Variants in MANBA observed in about 807,000 individuals in gnomAD.
MANBA encodes mannosidase beta, also known as beta-mannosidase.
In MANBA, 83 loss-of-function variants were observed where a neutral mutation model predicts 111.1. The observed-to-expected ratio is 0.75, with a 90% CI of 0.63 to 0.90. The LOEUF is 0.90. Among genes scored for constraint, MANBA ranks in the 40% least tolerant of loss-of-function variants. The pLI, the probability that MANBA is intolerant of heterozygous loss-of-function variation, is 0.00. For missense variants in MANBA, 1,036 were observed against 1,069.0 expected (o/e 0.97, Z 0.43); for synonymous variants, 370 against 378.7 (o/e 0.98, Z 0.27).
chr4:102,643,761 T>A (rs1729984386), intron 13 of MANBA, among the ~76,000 whole-genome samples: 3 of 152,324 alleles, frequency 2.0e-5, no homozygotes, highest in African/African-American at 7.2e-5. Context: ...TATTGAGTTC[T>A]AAGAGTTCTT....
chr4:102,698,701 G>C (rs1732859966), intron 5 of MANBA, among the ~76,000 whole-genome samples: 1 of 151,904 alleles, frequency 6.6e-6, no homozygotes, highest in South Asian at 2.1e-4. Context: ...GCTCTATTCT[G>C]TTCCCTTGAT....
rs1723827855 is a variant in MANBA at position 102,752,112 on chromosome 4, C to T, written c.177+8606G>A. The T allele has an allele frequency of 1.3e-5, 10 of 764,040 alleles. No homozygotes were observed. In the East Asian group the frequency reaches 2.5e-4, roughly 19 times the overall value. 47.3% of individuals were successfully genotyped at this position (764,040 alleles called of 1,614,324 possible). A position where few individuals can be genotyped will look rare whatever the true frequency, so the allele number is the denominator to read the frequency against. The stretch of plus-strand genomic sequence containing the variant: ...CCACAAATCGACAGAGAACACAGAG[C>T]AGCTATGACTCCCATAGTGACCCTC... On this transcript the variant is annotated intron_variant, in intron 1 of 16. Coordinates refer to ENST00000647097, the MANE Select transcript of MANBA (RefSeq NM_005908.4).
intron 5 of MANBA, among the ~76,000 whole-genome samples, chr4:102,694,000 G>C (rs530876268): frequency 6.6e-6 from 1 of 152,122 alleles, no homozygotes; most frequent in Non-Finnish European, 1.5e-5. Context: ...AACGAAGCAG[G>C]CTCCTGTGTT....
intron 5 of MANBA, among the ~76,000 whole-genome samples, chr4:102,703,291 A>G (rs915968350): frequency 3.3e-5 from 5 of 152,220 alleles, no homozygotes; most frequent in African/African-American, 1.2e-4. Context: ...ACAATGAAAG[A>G]AATCAGACCT....
chr4:102,722,322 TA>T (rs1199002882), intron 4 of MANBA: 1 of 156,322 alleles, frequency 6.4e-6, no homozygotes, highest in African/African-American at 2.4e-5. Flanking sequence ...AAATAAACAT[TA>T]AAAAACCAAA....
intron 5 of MANBA, among the ~76,000 whole-genome samples, chr4:102,711,392 T>A (rs370056702): frequency 1.4e-4 from 22 of 152,258 alleles, no homozygotes; most frequent in East Asian, 1.2e-3. Context: ...ATCAGGGAAC[T>A]GTAAATCAAA....
At chr4:102,753,110 T>C (rs1200592329) in intron 1 of MANBA, among the ~76,000 whole-genome samples, 1 of 152,150 alleles carries the variant, frequency 6.6e-6, no homozygotes, top group East Asian at 1.9e-4. Context: ...ATGGGGTGTA[T>C]GAAGCTATTT....
intron 1 of MANBA, among the ~76,000 whole-genome samples, chr4:102,750,310 GTTTT>G (rs551969460): frequency 1.1e-4 from 16 of 147,014 alleles, no homozygotes; most frequent in African/African-American, 3.5e-4. Flanking sequence ...TATTTCCTTA[GTTTT>G]TTTTTTATTT....
At chr4:102,730,738 T>C in intron 1 of MANBA, 1 of 518,566 alleles carries the variant, frequency 1.9e-6, no homozygotes, top group Non-Finnish European at 3.9e-6. Context: ...CTTCTTCAAC[T>C]GTCAGGTAAG....
intron 13 of MANBA, among the ~76,000 whole-genome samples, chr4:102,641,963 G>T (rs1177168754): frequency 6.6e-6 from 1 of 151,336 alleles, no homozygotes; most frequent in Non-Finnish European, 1.5e-5. Context: ...TGTGCTCCAG[G>T]CTCTGGCACA....
chr4:102,681,960 A>G (rs1051971989), intron 7 of MANBA, among the ~76,000 whole-genome samples: 3 of 152,166 alleles, frequency 2.0e-5, no homozygotes, highest in Non-Finnish European at 2.9e-5. Flanking sequence ...AGCCTGACCA[A>G]CATGGAGAAA....
chr4:102,738,857 T>C (rs1723307341), intron 1 of MANBA, among the ~76,000 whole-genome samples: 1 of 151,594 alleles, frequency 6.6e-6, no homozygotes, highest in Admixed American at 6.6e-5. Flanking sequence ...TAAAAAACAA[T>C]AAAGGATATG....
chr4:102,667,755 C>T (rs1046854591), intron 10 of MANBA: 10 of 152,156 alleles, frequency 6.6e-5, no homozygotes, highest in African/African-American at 2.4e-4. Flanking sequence ...TACAAAAAAT[C>T]TGGCAGACAG....
Position 102,632,236 on chromosome 4 carries a change from T to G in MANBA, c.2461A>C (p.Thr821Pro), listed in dbSNP as rs1729415653. 3 of 1,613,170 alleles carry G rather than the reference T, an allele frequency of 1.9e-6. No individual in the cohort carries two copies. The highest frequency in any genetic ancestry group is 2.5e-6 in the Non-Finnish European group (3 of 1,179,726). ...CAAACAAAGGGAGCGACAGCTGAGG[T>G]CTCCAGGTCAAAAACAAATATGTCA... ...QGDIFVFDLE[T>P]SAVAPFVWLD... Residue 821 changes from threonine to proline, a missense_variant, in exon 17 of 17, where the codon ACC (threonine) becomes CCC (proline). Thr to Pro is a conservative substitution (Grantham distance 38). Coordinates refer to ENST00000647097, the MANE Select transcript of MANBA (RefSeq NM_005908.4).
chr4:102,691,823 T>C (rs965576775), intron 5 of MANBA, among the ~76,000 whole-genome samples: 1 of 152,050 alleles, frequency 6.6e-6, no homozygotes, highest in African/African-American at 2.4e-5. Context: ...ATGCTTTCAT[T>C]AGAAAGTGGT....
intron 2 of MANBA, 71 bp downstream of exon 2, chr4:102,726,518 A>G: frequency 1.2e-6 from 1 of 851,580 alleles, no homozygotes; most frequent in Non-Finnish European, 1.9e-6. Flanking sequence ...ACAAAACACA[A>G]CATTTTTGCC....
chr4:102,713,163 A>G (rs962729864), intron 5 of MANBA, among the ~76,000 whole-genome samples: 2 of 152,222 alleles, frequency 1.3e-5, no homozygotes, highest in Non-Finnish European at 2.9e-5. Context: ...ATAGCAAGCT[A>G]AGGTCACCAG....
At chr4:102,747,956 G>C (rs1325740013) in intron 1 of MANBA, among the ~76,000 whole-genome samples, 3 of 152,198 alleles carry the variant, frequency 2.0e-5, no homozygotes. Context: ...GGGTTCCCAG[G>C]ACTGGACCTC....
intron 7 of MANBA, among the ~76,000 whole-genome samples, chr4:102,675,643 T>A (rs565694922): frequency 2.4e-4 from 36 of 152,336 alleles, no homozygotes; most frequent in African/African-American, 7.2e-4. Flanking sequence ...AAAAACAAAT[T>A]TTAATTTTAA....
Sources: gnomAD v4.1 joint callset for allele counts (sites outside exome capture counted in the v4.1 genomes callset) on GRCh38, gnomAD v4.1.1 for gene constraint, MANE v1.5 for transcripts, NCBI Gene and HGNC (gene_info 2026-07-23, HGNC 2026-07-21) for gene names.